Variants in CIPC observed in about 807,000 individuals in gnomAD.
The protein encoded by CIPC is CLOCK-interacting pacemaker.
In CIPC, 12 loss-of-function variants were observed where a neutral mutation model predicts 26.7. That is an observed-to-expected ratio of 0.45 (90% confidence interval 0.29 to 0.73). The LOEUF (loss-of-function observed/expected upper bound fraction) is 0.73. CIPC is among the 30% of genes least tolerant of loss of function. CIPC has a pLI of 0.12. For missense variants in CIPC, 417 were observed against 486.5 expected, an observed-to-expected ratio of 0.86 and a Z score of 1.34; for synonymous variants, 170 against 189.8, an observed-to-expected ratio of 0.90 and a Z score of 0.86.
At chr14:77,110,101 C>T (rs1886665165) in intron 3 of CIPC, 120 bp downstream of exon 3, 1 of 914,154 alleles carries the variant, frequency 1.1e-6, no homozygotes, top group South Asian at 1.8e-5. Context: ...CCATTAGAAC[C>T]ACACCAATGT....
At chr14:77,105,540 G>A (rs2111386) in intron 1 of CIPC, 117 bp from the exon 2 acceptor site, 1 of 614,182 alleles carries the variant, frequency 1.6e-6, no homozygotes, top group African/African-American at 1.9e-5. Context: ...TGAAACCTCT[G>A]AGAAAATAAA....
chr14:77,111,677 C>A (rs1445434819), intron 3 of CIPC, among the ~76,000 whole-genome samples: 1 of 152,174 alleles, frequency 6.6e-6, no homozygotes, highest in Non-Finnish European at 1.5e-5. Flanking sequence ...TGTATTCCCT[C>A]AGGTGATTTC....
Position 77,114,060 on chromosome 14 carries a change from T to C in CIPC, c.942T>C (p.His314=). 6.2e-7 allele frequency: 1 copy of C among 1,614,114 alleles called. No individual in the cohort carries two copies. The highest frequency in any genetic ancestry group is 8.5e-7 in the Non-Finnish European group (1 of 1,180,022). The change falls in exon 4 of 4, where the codon CAT becomes CAC. Residue 314 remains histidine (H), a synonymous_variant. Transcript: ENST00000361786. ...TTTCAGAGCAGCGGCAGAGCAAACA[T>C]AGGCGCTTTCAGAATACCCTAGTAG... ...DIFSEQRQSK[H]RRFQNTLVVL...
Position 77,105,657 on chromosome 14 carries a change from G to A in CIPC, c.-52G>A, listed in dbSNP as rs1004813212. On this transcript the variant is annotated splice_region_variant and 5_prime_UTR_variant, in exon 2 of 4. Transcript: ENST00000361786. ...CTTCTTATATAATTGTTTTTCATAG[G>A]GCAGTCCAGATGAAAAGAGTACCAA... The A allele has an allele frequency of 1.3e-6, 2 of 1,588,030 alleles. No individual in the cohort carries two copies. The highest frequency in any genetic ancestry group is 2.2e-5 in the East Asian group (1 of 44,482).
Position 77,114,483 on chromosome 14 carries a change from G to T in CIPC, c.*165G>T, listed in dbSNP as rs1401012268. 2.9e-6 allele frequency: 2 copies of T among 695,712 alleles called. No individual in the cohort carries two copies. The highest frequency in any genetic ancestry group is 4.8e-6 in the Non-Finnish European group (2 of 418,330). The allele number at this position is 695,712 out of a possible 1,614,324, so 43.1% of individuals were successfully genotyped here. On this transcript the variant is annotated 3_prime_UTR_variant, in exon 4 of 4. Transcript: ENST00000361786. ...CAATACCTGGCTGCTGTCTTAACTC[G>T]TAGTCTGGGCACAGGATACATATGT...
rs111454478 is a variant in CIPC at position 77,100,820 on chromosome 14, C to T, written c.-53+2459C>T. Among the ~76,000 whole-genome samples, 194 of 152,318 alleles carry T rather than the reference C, an allele frequency of 1.3e-3. 1 individual carries two copies. The highest frequency in any genetic ancestry group is 4.4e-3 in the African/African-American group (184 of 41,572). The stretch of plus-strand genomic sequence containing the variant: ...CTGACCTCAGGTGATCCATCCACCT[C>T]TGCCTCCCAAAGTGCTGGGATTATA... On this transcript the variant is annotated intron_variant, in intron 1 of 3. Transcript: ENST00000361786.
chr14:77,101,379 G>A (rs966549975), intron 1 of CIPC, among the ~76,000 whole-genome samples: 2 of 152,128 alleles, frequency 1.3e-5, no homozygotes, highest in Admixed American at 6.6e-5. Flanking sequence ...GAGCCTCCCT[G>A]GCTGCAATGC....
At chr14:77,102,693 C>T (rs1463494537) in intron 1 of CIPC, among the ~76,000 whole-genome samples, 1 of 152,130 alleles carries the variant, frequency 6.6e-6, no homozygotes, top group East Asian at 1.9e-4. Flanking sequence ...CTTCAAGAAC[C>T]TAAGAACCTA....
Position 77,109,828 on chromosome 14 carries a change from T to C in CIPC, c.153T>C (p.Cys51=). The C allele has an allele frequency of 6.2e-7, 1 of 1,613,532 alleles. No homozygotes were observed. Among genetic ancestry groups the C allele is most frequent in the Non-Finnish European group, 8.5e-7 (1 of 1,179,508 alleles). ...DSGFSDGSSE[C]LSSAEQMESE... ...GCCCACCAGATGGGAGCTCGGAATG[T>C]CTGAGCTCTGCAGAGCAGATGGAGT... Residue 51 remains cysteine, a synonymous_variant, in exon 3 of 4, where the codon TGT becomes TGC. Transcript: ENST00000361786.
At position 77,113,604 on chromosome 14, in the gene CIPC, A is replaced by T; in HGVS notation, c.486A>T (p.Lys162Asn). ...NYLPILNSYT[K>N]IAPHPGKRGL... is the part of the protein sequence containing the mutation. ...TGCCCATTCTGAATTCTTACACCAAAATAGCCCCACATCCAGGCAAAAGGG... is the reference window on the plus strand; with the variant it reads ...TGCCCATTCTGAATTCTTACACCAATATAGCCCCACATCCAGGCAAAAGGG... Residue 162 changes from lysine (K) to asparagine (N), a missense_variant, in exon 4 of 4, where the codon AAA (lysine) becomes AAT (asparagine). Physicochemically the swap from Lys to Asn is moderately conservative, Grantham distance 94. Transcript: ENST00000361786. The T allele has an allele frequency of 6.2e-7, 1 of 1,614,196 alleles. No individual in the cohort carries two copies. Among genetic ancestry groups the T allele is most frequent in the South Asian group, 1.1e-5 (1 of 91,078 alleles).
In CIPC at chr14:77,109,835, T is replaced by G. The variant is rs548855821; in HGVS notation, c.160T>G (p.Ser54Ala). 6.2e-7 allele frequency: 1 copy of G among 1,613,590 alleles called. No homozygotes were observed. Among genetic ancestry groups the G allele is most frequent in the Non-Finnish European group, 8.5e-7 (1 of 1,179,624 alleles). ...FSDGSSECLS[S>A]AEQMESEDML... ...AGATGGGAGCTCGGAATGTCTGAGC[T>G]CTGCAGAGCAGATGGAGTCCGAGGA... The change falls in exon 3 of 4, where the codon TCT (serine) becomes GCT (alanine). Residue 54 changes from serine (S) to alanine (A), a missense_variant. By Grantham distance (99) the Ser-to-Ala change is moderately conservative. Coordinates refer to ENST00000361786, the MANE Select transcript of CIPC (RefSeq NM_033426.3).
At chr14:77,104,675 A>G (rs545866659) in intron 1 of CIPC, among the ~76,000 whole-genome samples, 1 of 152,124 alleles carries the variant, frequency 6.6e-6, no homozygotes, top group South Asian at 2.1e-4. Flanking sequence ...AACTCCTACT[A>G]ATTCCCAATC....
chr14:77,112,874 C>A (rs1886732321), intron 3 of CIPC, among the ~76,000 whole-genome samples: 1 of 152,122 alleles, frequency 6.6e-6, no homozygotes, highest in Non-Finnish European at 1.5e-5. Flanking sequence ...CCAAGCCCAG[C>A]TAATTTTTTG....
rs1168958730 is a variant in CIPC, at chr14:77,109,923, A to G, written c.248A>G (p.Lys83Arg). The change falls in exon 3 of 4, where the codon AAG becomes AGG. Residue 83 changes from lysine to arginine, a missense_variant. Lys to Arg is a conservative substitution (Grantham distance 26). Transcript: ENST00000361786. ...CCGAGGCAGAACTCCAAAACTGCAAAGAATGCCTTCCCTACCCTGTCTCCC... is the reference window on the plus strand; with the variant it reads ...CCGAGGCAGAACTCCAAAACTGCAAGGAATGCCTTCCCTACCCTGTCTCCC... The part of the protein sequence containing the change: ...DRPRQNSKTA[K>R]NAFPTLSPMV... 3.1e-6 allele frequency: 5 copies of G among 1,614,082 alleles called. No individual in the cohort carries two copies. The East Asian group carries it at 1.1e-4, about 36-fold the overall frequency.
intron 3 of CIPC, among the ~76,000 whole-genome samples, chr14:77,112,107 G>A (rs1054900453): frequency 2.0e-5 from 3 of 152,152 alleles, no homozygotes; most frequent in South Asian, 2.1e-4. Context: ...AAAATGGTGC[G>A]CGCATGTACA....
At chr14:77,113,398 T>C in intron 3 of CIPC, 27 bp from the exon 4 acceptor site, 2 of 1,612,926 alleles carry the variant, frequency 1.2e-6, no homozygotes, top group Non-Finnish European at 1.7e-6. Flanking sequence ...TAATGAGTAG[T>C]GTGCTGCTCT....
In CIPC at chr14:77,113,901, C is replaced by A. The variant is rs1445453954; in HGVS notation, c.783C>A (p.Ser261=). 3 of 1,614,208 alleles carry A rather than the reference C, an allele frequency of 1.9e-6. No homozygotes were observed. Among genetic ancestry groups the A allele is most frequent in the Non-Finnish European group, 2.5e-6 (3 of 1,180,042 alleles). ...AAGCTCCCAGTCTGACCTTCGCTTCCCCCGCCAGTCCTGTCTGCGCATCAG... is the reference window on the plus strand; with the variant it reads ...AAGCTCCCAGTCTGACCTTCGCTTCACCCGCCAGTCCTGTCTGCGCATCAG... The part of the protein sequence containing the change: ...VAKAPSLTFA[S]PASPVCASDS... Residue 261 remains serine, a synonymous_variant, in exon 4 of 4, where the codon TCC becomes TCA. Coordinates refer to ENST00000361786, the MANE Select transcript of CIPC (RefSeq NM_033426.3).
chr14:77,104,003 G>A (rs1446349410), intron 1 of CIPC, among the ~76,000 whole-genome samples: 2 of 152,066 alleles, frequency 1.3e-5, no homozygotes, highest in Non-Finnish European at 2.9e-5. Context: ...GGACTGTCAC[G>A]GTAGCAACTA....
At position 77,105,673 on chromosome 14, in the gene CIPC, A is replaced by C. The variant is rs376431401; in HGVS notation, c.-36A>C. The C allele has an allele frequency of 4.4e-6, 7 of 1,603,750 alleles. No individual in the cohort carries two copies. The African/African-American group carries it at 9.4e-5, about 22-fold the overall frequency. On this transcript the variant is annotated 5_prime_UTR_variant, in exon 2 of 4. Transcript: ENST00000361786. Reference sequence around the variant, plus strand: ...TTTTCATAGGGCAGTCCAGATGAAAAGAGTACCAATGAATCTGCCTCCAGC... The same window carrying C: ...TTTTCATAGGGCAGTCCAGATGAAACGAGTACCAATGAATCTGCCTCCAGC...
Sources: gnomAD v4.1 joint callset for allele counts (sites outside exome capture counted in the v4.1 genomes callset) on GRCh38, gnomAD v4.1.1 for gene constraint, MANE v1.5 for transcripts, NCBI Gene and HGNC (gene_info 2026-07-23, HGNC 2026-07-21) for gene names.